The following ATP9B variants were observed in gnomAD, a reference collection of about 807,000 sequenced individuals.
The protein encoded by ATP9B is probable phospholipid-transporting ATPase IIB.
In ATP9B, 110 loss-of-function variants were observed where a neutral mutation model predicts 146.1. The ratio of observed to expected loss-of-function variants is 0.75; its 90% confidence interval spans 0.65 to 0.88. The LOEUF (loss-of-function observed/expected upper bound fraction) is 0.88, where lower values mean the gene tolerates loss of function less well. ATP9B is among the 40% of genes least tolerant of loss of function. The probability of loss-of-function intolerance (pLI) is 0.00; values close to 1 mark genes in which losing one functional copy is unlikely to be tolerated. For missense variants in ATP9B, 1,499 were observed against 1,496.4 expected, an observed-to-expected ratio of 1.00 and a Z score of -0.03; for synonymous variants, 604 against 569.7, an observed-to-expected ratio of 1.06 and a Z score of -0.86.
In ATP9B at chr18:79,254,862, G is replaced by C. The variant is rs1358276816; in HGVS notation, c.1268+1321G>C. On this transcript the variant is annotated intron_variant, in intron 12 of 29. Transcript: ENST00000426216. ...TACCCTAAATACCTTTCCTCAGAGA[G>C]GCTGCGTTTGTCTGCTCAGTACAGA... The C allele has an allele frequency of 2.0e-5, 3 of 152,312 alleles. No individual in the cohort carries two copies. The East Asian group carries it at 5.8e-4, about 29-fold the overall frequency. 9.4% of individuals were successfully genotyped at this position (152,312 alleles called of 1,614,324 possible).
rs1370509157 is a variant in ATP9B, at chr18:79,117,882, CTG to C, written c.558+4532_558+4533del. 7.2e-5 allele frequency: 11 copies of C among 152,132 alleles called. 1 individual carries two copies. The highest frequency in any genetic ancestry group is 1.9e-4 in the African/African-American group (8 of 41,416). The allele number at this position is 152,132 out of a possible 1,614,324, so 9.4% of individuals were successfully genotyped here. ...TCCTATGTATCTCTTAATAGTTTTA[CTG>C]TGTTTATATTTATCATTAAAACAAT... On this transcript the variant is annotated intron_variant, in intron 4 of 29. Coordinates refer to ENST00000426216, the MANE Select transcript of ATP9B (RefSeq NM_198531.5).
intron 4 of ATP9B, among the ~76,000 whole-genome samples, chr18:79,124,799 G>A (rs1009862155): frequency 6.6e-6 from 1 of 152,182 alleles, no homozygotes; most frequent in African/African-American, 2.4e-5. Context: ...GTACAGTCAG[G>A]CTGGAGAGAT....
rs2094744248 is a variant in ATP9B at position 79,154,569 on chromosome 18, T to A, written c.778+14T>A. 3 of 1,505,840 alleles carry A rather than the reference T, an allele frequency of 2.0e-6. No homozygotes were observed. The highest frequency in any genetic ancestry group is 2.4e-5 in the Admixed American group (1 of 41,046). 93.3% of individuals were successfully genotyped at this position (1,505,840 alleles called of 1,614,324 possible). Reference sequence around the variant, plus strand: ...CAGAAAAAGCAGGTATTTTTACATTTAAAAAAACTTACCTAACTGTATATT... The same window carrying A: ...CAGAAAAAGCAGGTATTTTTACATTAAAAAAAACTTACCTAACTGTATATT... On this transcript the variant is annotated intron_variant, in intron 7 of 29. Coordinates refer to ENST00000426216, the MANE Select transcript of ATP9B (RefSeq NM_198531.5).
chr18:79,079,768 T>A (rs1239104481), intron 1 of ATP9B, among the ~76,000 whole-genome samples: 1 of 152,328 alleles, frequency 6.6e-6, no homozygotes, highest in East Asian at 1.9e-4. Context: ...TCTAGGGTTT[T>A]TATAGTTTTA....
intron 17 of ATP9B, among the ~76,000 whole-genome samples, chr18:79,333,691 A>T (rs1485010802): frequency 6.6e-6 from 1 of 152,080 alleles, no homozygotes. Context: ...AATAGCCTCT[A>T]AAAGACCTCT....
chr18:79,342,477 A>C (rs939704323), intron 20 of ATP9B, 111 bp downstream of exon 20: 8 of 702,108 alleles, frequency 1.1e-5, no homozygotes, highest in Non-Finnish European at 1.1e-5. Flanking sequence ...TCTTTTTAAA[A>C]AGAACTACTG....
At chr18:79,114,026 A>T (rs1334396527) in intron 4 of ATP9B, among the ~76,000 whole-genome samples, 1 of 152,062 alleles carries the variant, frequency 6.6e-6, no homozygotes, top group East Asian at 1.9e-4. Flanking sequence ...ACTGGAGTGT[A>T]GTGGCACAAT....
chr18:79,345,045 C>A (rs2096878886), intron 21 of ATP9B, among the ~76,000 whole-genome samples: 1 of 152,220 alleles, frequency 6.6e-6, no homozygotes, highest in African/African-American at 2.4e-5. Context: ...TCCAAGAAAT[C>A]TGGCAGAAGC....
intron 23 of ATP9B, among the ~76,000 whole-genome samples, chr18:79,346,758 C>T (rs141055589): frequency 9.1e-4 from 138 of 152,294 alleles, no homozygotes; most frequent in African/African-American, 3.1e-3. Context: ...ACATACTCAC[C>T]GCATGCTTGG....
chr18:79,314,268 G>A (rs1301557737), intron 15 of ATP9B, among the ~76,000 whole-genome samples: 14 of 152,074 alleles, frequency 9.2e-5, no homozygotes, highest in African/African-American at 2.4e-4. Flanking sequence ...GTGTCATCTC[G>A]GTCTTTAGGA....
chr18:79,303,834 C>CT (rs1175587299), intron 14 of ATP9B, 118 bp downstream of exon 14: 21 of 610,760 alleles, frequency 3.4e-5, no homozygotes, highest in Non-Finnish European at 3.1e-5. Context: ...TCTTAACATC[C>CT]TGCTACTTCA....
chr18:79,165,318 C>G (rs1354755398), intron 7 of ATP9B, among the ~76,000 whole-genome samples: 2 of 152,222 alleles, frequency 1.3e-5, no homozygotes, highest in Non-Finnish European at 2.9e-5. Context: ...CTACCTAGCA[C>G]TGTTGGTGCT....
chr18:79,253,827 T>C (rs755985126), intron 12 of ATP9B: 9 of 265,558 alleles, frequency 3.4e-5, no homozygotes, highest in Admixed American at 1.6e-4. Flanking sequence ...TAAACCAGAA[T>C]TTCACAAAAT....
intron 15 of ATP9B, among the ~76,000 whole-genome samples, chr18:79,321,033 A>G (rs185290736): frequency 6.6e-6 from 1 of 152,326 alleles, no homozygotes; most frequent in East Asian, 1.9e-4. Context: ...TTTAATTTCT[A>G]CATCTACTGT....
At chr18:79,088,322 A>G (rs1461568786) in intron 1 of ATP9B, among the ~76,000 whole-genome samples, 2 of 152,246 alleles carry the variant, frequency 1.3e-5, no homozygotes, top group Non-Finnish European at 2.9e-5. Context: ...ATTACAATAT[A>G]TTTATGTGGT....
At chr18:79,246,401 C>T (rs2144871025) in intron 11 of ATP9B, among the ~76,000 whole-genome samples, 1 of 151,980 alleles carries the variant, frequency 6.6e-6, no homozygotes, top group Admixed American at 6.5e-5. Flanking sequence ...GTGAGGAGGA[C>T]ACCGCCCTAC....
At chr18:79,102,809 C>A (rs991981852) in intron 2 of ATP9B, among the ~76,000 whole-genome samples, 3 of 152,146 alleles carry the variant, frequency 2.0e-5, no homozygotes, top group Non-Finnish European at 2.9e-5. Flanking sequence ...ATAATTTGAT[C>A]TCTTTCACTA....
At chr18:79,204,748 G>C (rs1470884720) in intron 9 of ATP9B, among the ~76,000 whole-genome samples, 1 of 152,160 alleles carries the variant, frequency 6.6e-6, no homozygotes, top group Admixed American at 6.5e-5. Flanking sequence ...TTCCATCCAG[G>C]CTGTGTCTGC....
At position 79,110,337 on chromosome 18, in the gene ATP9B, A is replaced by G. The variant is rs376156276; in HGVS notation, c.294-18A>G. On this transcript the variant is annotated intron_variant, in intron 2 of 29. Coordinates refer to ENST00000426216, the MANE Select transcript of ATP9B (RefSeq NM_198531.5). ...AAGCAAAAAAAAATACACAATACGT[A>G]TCTTTTGTTTCATACAGTTGCTGTG... 7.7e-6 allele frequency: 12 copies of G among 1,548,958 alleles called. No individual in the cohort carries two copies. In the African/African-American group the frequency reaches 1.6e-4, roughly 21 times the overall value.
Sources: allele counts gnomAD v4.1 joint callset (sites outside exome capture counted in the v4.1 genomes callset), GRCh38; gene constraint gnomAD v4.1.1; transcripts MANE v1.5; gene names NCBI Gene and HGNC (gene_info 2026-07-23, HGNC 2026-07-21).